The following PTPRD variants were observed in gnomAD, a reference collection of about 807,000 sequenced individuals.
PTPRD encodes the protein protein tyrosine phosphatase receptor type D.
PTPRD carries 34 observed loss-of-function variants against 214.5 expected under a neutral mutation model. The ratio of observed to expected loss-of-function variants is 0.16; its 90% CI spans 0.12 to 0.21. The LOEUF (loss-of-function observed/expected upper bound fraction) is 0.21, where lower values mean the gene tolerates loss of function less well. Ranked by LOEUF, PTPRD falls within the 10% of genes least tolerant of loss-of-function variation. The pLI is 1.00. For synonymous variants in PTPRD, 1,128 were observed against 845.7 expected, an observed-to-expected ratio of 1.33 and a Z score of -5.79; for missense variants, 2,545 against 2,398.7, an observed-to-expected ratio of 1.06 and a Z score of -1.27.
intron 7 of PTPRD, among the ~76,000 whole-genome samples, chr9:9,577,196 T>C (rs555385422): frequency 6.6e-6 from 1 of 152,248 alleles, no homozygotes; most frequent in East Asian, 1.9e-4. Context: ...AAAGCAGAAA[T>C]ACAGTTTATT....
chr9:8,803,330 T>C (rs527906825), intron 11 of PTPRD, among the ~76,000 whole-genome samples: 2 of 152,240 alleles, frequency 1.3e-5, no homozygotes, highest in African/African-American at 4.8e-5. Context: ...CCCTATAATT[T>C]AATTACCTGA....
chr9:8,428,946 T>C (rs1370746630), intron 35 of PTPRD, among the ~76,000 whole-genome samples: 2 of 152,210 alleles, frequency 1.3e-5, no homozygotes, highest in Non-Finnish European at 2.9e-5. Flanking sequence ...TGTTTTCTTT[T>C]GTGGTCATTG....
intron 35 of PTPRD, among the ~76,000 whole-genome samples, chr9:8,432,449 C>G (rs1441996557): frequency 6.6e-6 from 1 of 152,178 alleles, no homozygotes; most frequent in East Asian, 1.9e-4. Context: ...TCCTCGTATT[C>G]TGACCTCAGG....
At chr9:9,408,489 T>G (rs1164644559) in intron 8 of PTPRD, among the ~76,000 whole-genome samples, 2 of 151,800 alleles carry the variant, frequency 1.3e-5, no homozygotes, top group Non-Finnish European at 3.0e-5. Flanking sequence ...CCTAAAACAT[T>G]ATAATAAAAT....
intron 12 of PTPRD, among the ~76,000 whole-genome samples, chr9:8,673,056 C>G (rs1040456474): frequency 6.6e-5 from 10 of 151,896 alleles, no homozygotes; most frequent in Non-Finnish European, 1.3e-4. Context: ...TCATAAAACA[C>G]TTGATTTTTT....
At chr9:10,449,425 A>G (rs2098822695) in intron 2 of PTPRD, among the ~76,000 whole-genome samples, 1 of 151,628 alleles carries the variant, frequency 6.6e-6, no homozygotes, top group South Asian at 2.1e-4. Context: ...TTGGCCTCCC[A>G]AAGTACCAAG....
intron 3 of PTPRD, among the ~76,000 whole-genome samples, chr9:10,053,706 A>C (rs1273842462): frequency 1.3e-5 from 2 of 152,178 alleles, no homozygotes; most frequent in Non-Finnish European, 2.9e-5. Context: ...TTATGAAGAT[A>C]CTAGAAAGCT....
intron 14 of PTPRD, among the ~76,000 whole-genome samples, chr9:8,604,890 C>T (rs2095112417): frequency 6.6e-6 from 1 of 152,114 alleles, no homozygotes. Flanking sequence ...CCTGAGATTA[C>T]TGCAATACAT....
At chr9:9,388,516 A>T (rs2064685435) in intron 9 of PTPRD, among the ~76,000 whole-genome samples, 1 of 152,198 alleles carries the variant, frequency 6.6e-6, no homozygotes, top group Non-Finnish European at 1.5e-5. Flanking sequence ...AAGTAAACTA[A>T]GATGTATGGT....
At chr9:9,622,243 GCTGA>G (rs1367025699) in intron 7 of PTPRD, among the ~76,000 whole-genome samples, 1 of 152,096 alleles carries the variant, frequency 6.6e-6, no homozygotes, top group Non-Finnish European at 1.5e-5. Flanking sequence ...AATTCAGGGT[GCTGA>G]CTGTCAAGAT....
intron 3 of PTPRD, among the ~76,000 whole-genome samples, chr9:10,215,257 G>T (rs900610344): frequency 6.6e-6 from 1 of 151,372 alleles, no homozygotes. Context: ...GAGGCTCTAA[G>T]AATTGACTGA....
intron 7 of PTPRD, among the ~76,000 whole-genome samples, chr9:9,722,256 C>G (rs2097965085): frequency 6.6e-6 from 1 of 152,004 alleles, no homozygotes. Flanking sequence ...TCTTCCTCAG[C>G]TCTTGGCAAC....
chr9:9,842,625 T>A (rs2058603988), intron 5 of PTPRD, among the ~76,000 whole-genome samples: 1 of 151,798 alleles, frequency 6.6e-6, no homozygotes, highest in African/African-American at 2.4e-5. Context: ...AACTGTCCTT[T>A]AAGTAACATA....
intron 5 of PTPRD, among the ~76,000 whole-genome samples, chr9:9,896,900 T>C (rs943435518): frequency 3.3e-5 from 5 of 152,044 alleles, no homozygotes; most frequent in Non-Finnish European, 5.9e-5. Flanking sequence ...GTGACAATAA[T>C]AAAAATTGAT....
At chr9:10,153,253 T>C (rs905677054) in intron 3 of PTPRD, among the ~76,000 whole-genome samples, 3 of 152,034 alleles carry the variant, frequency 2.0e-5, no homozygotes, top group Non-Finnish European at 2.9e-5. Flanking sequence ...TACATCACAA[T>C]ATCACATTGT....
At chr9:9,528,100 C>T (rs79204619) in intron 8 of PTPRD, among the ~76,000 whole-genome samples, 4,862 of 152,200 alleles carry the variant, frequency 0.032, 269 homozygotes, top group African/African-American at 0.11. Flanking sequence ...AGAAATCAAA[C>T]TGTGGAGAGT....
chr9:8,540,996 T>C (rs763481237), intron 14 of PTPRD, among the ~76,000 whole-genome samples: 59 of 152,284 alleles, frequency 3.9e-4, no homozygotes, highest in Non-Finnish European at 5.0e-4. Context: ...AGAGGGTGTC[T>C]TGAAAGATGA....
intron 26 of PTPRD, among the ~76,000 whole-genome samples, chr9:8,493,286 A>G (rs191456990): frequency 8.1e-4 from 124 of 152,320 alleles, no homozygotes; most frequent in Non-Finnish European, 2.2e-4. Flanking sequence ...CAGACCAAGT[A>G]TGTTTACCTA....
chr9:8,605,481 A>G (rs375784263), intron 14 of PTPRD, among the ~76,000 whole-genome samples: 2 of 152,170 alleles, frequency 1.3e-5, no homozygotes, highest in African/African-American at 2.4e-5. Flanking sequence ...TCATTTCACA[A>G]AAGAGAAGAG....
Sources: gnomAD v4.1 joint callset for allele counts (sites outside exome capture counted in the v4.1 genomes callset) on GRCh38, gnomAD v4.1.1 for gene constraint, MANE v1.5 for transcripts, NCBI Gene and HGNC (gene_info 2026-07-23, HGNC 2026-07-21) for gene names.